Variants in PPFIA2 observed in about 807,000 individuals in gnomAD.
PPFIA2 encodes the protein liprin-alpha-2.
PPFIA2 carries 46 observed loss-of-function variants against 175.5 expected under a neutral mutation model. The ratio of observed to expected loss-of-function variants is 0.26; its 90% CI spans 0.21 to 0.34. The LOEUF (loss-of-function observed/expected upper bound fraction) is 0.34. Among genes scored for constraint, PPFIA2 ranks in the 10% least tolerant of loss-of-function variants. The pLI is 1.00. For missense variants in PPFIA2, 1,179 were observed against 1,506.1 expected, an observed-to-expected ratio of 0.78 and a Z score of 3.60; for synonymous variants, 568 against 511.4, an observed-to-expected ratio of 1.11 and a Z score of -1.49.
intron 11 of PPFIA2, among the ~76,000 whole-genome samples, chr12:81,374,245 T>C: frequency 6.6e-6 from 1 of 152,110 alleles, no homozygotes; most frequent in East Asian, 1.9e-4. Flanking sequence ...TGGAGAGGAA[T>C]CAAGAAGTTA....
At chr12:81,552,617 T>A (rs1354563897) in intron 4 of PPFIA2, among the ~76,000 whole-genome samples, 1 of 152,006 alleles carries the variant, frequency 6.6e-6, no homozygotes, top group African/African-American at 2.4e-5. Context: ...ATGAATCTTT[T>A]GTTATTTAAT....
rs2063079504 is a variant in PPFIA2, at chr12:81,521,203, A to G, written c.304-63337T>C. Among the ~76,000 whole-genome samples the G allele has an allele frequency of 2.0e-5, 3 of 151,774 alleles. 1 individual carries two copies. The South Asian group carries it at 6.2e-4, about 32-fold the overall frequency. On this transcript the variant is annotated intron_variant, in intron 4 of 32. Coordinates refer to ENST00000549396, the MANE Select transcript of PPFIA2 (RefSeq NM_003625.5). ...GTTTCTAGAAATTTCAGGAATCACG[A>G]GAAAAAAAAAAAAAGTGCGGTGTAA...
intron 6 of PPFIA2, among the ~76,000 whole-genome samples, chr12:81,440,556 T>G (rs964712547): frequency 1.3e-5 from 2 of 152,214 alleles, no homozygotes; most frequent in South Asian, 4.1e-4. Context: ...TTCTCTGTTT[T>G]TTATTAATTA....
intron 25 of PPFIA2, among the ~76,000 whole-genome samples, chr12:81,283,322 A>C (rs1010093259): frequency 6.6e-6 from 1 of 152,006 alleles, no homozygotes; most frequent in Non-Finnish European, 1.5e-5. Flanking sequence ...TAATTCTTAA[A>C]TGAGTGTAAT....
chr12:81,700,417 G>T (rs1385203249), intron 3 of PPFIA2, among the ~76,000 whole-genome samples: 1 of 151,956 alleles, frequency 6.6e-6, no homozygotes, highest in East Asian at 1.9e-4. Context: ...GCTTTATAAA[G>T]ATTTTTGTCT....
chr12:81,352,377 C>CAGAGAGAGAG, intron 17 of PPFIA2, among the ~76,000 whole-genome samples: 1 of 145,268 alleles, frequency 6.9e-6, no homozygotes, highest in South Asian at 2.2e-4. Flanking sequence ...GGGGGGCAGA[C>CAGAGAGAGAG]AGAGAGAGAG....
chr12:81,321,766 C>A (rs1409182084), intron 22 of PPFIA2, among the ~76,000 whole-genome samples: 1 of 152,052 alleles, frequency 6.6e-6, no homozygotes, highest in Non-Finnish European at 1.5e-5. Flanking sequence ...TTTATTGTGC[C>A]CTAAAATACT....
intron 2 of PPFIA2, among the ~76,000 whole-genome samples, chr12:81,755,541 TATTTA>T (rs1390783420): frequency 6.6e-6 from 1 of 152,212 alleles, no homozygotes; most frequent in African/African-American, 2.4e-5. Flanking sequence ...AACAGCTCAA[TATTTA>T]ATTACTTTTT....
intron 21 of PPFIA2, among the ~76,000 whole-genome samples, chr12:81,328,338 T>G (rs1242276580): frequency 6.6e-6 from 1 of 152,228 alleles, no homozygotes. Context: ...ACTCCCTACA[T>G]GTGACTATTA....
At chr12:81,352,969 C>A (rs772084995) in intron 17 of PPFIA2, 150 bp downstream of exon 17, 2 of 642,064 alleles carry the variant, frequency 3.1e-6, no homozygotes, top group African/African-American at 1.8e-5. Flanking sequence ...AATACACATT[C>A]TGATTCAGTG....
At chr12:81,349,245 C>T (rs2059604854) in intron 17 of PPFIA2, among the ~76,000 whole-genome samples, 2 of 152,100 alleles carry the variant, frequency 1.3e-5, no homozygotes, top group Non-Finnish European at 2.9e-5. Flanking sequence ...AGTCTACTTA[C>T]ATGTCATTGG....
chr12:81,549,290 T>C (rs1451148547), intron 4 of PPFIA2, among the ~76,000 whole-genome samples: 1 of 152,114 alleles, frequency 6.6e-6, no homozygotes, highest in African/African-American at 2.4e-5. Context: ...CAGTCACTAT[T>C]ATTCATAATT....
chr12:81,522,340 A>G (rs561138234), intron 4 of PPFIA2, among the ~76,000 whole-genome samples: 2 of 152,316 alleles, frequency 1.3e-5, no homozygotes, highest in Admixed American at 1.3e-4. Flanking sequence ...ACTACAATAT[A>G]AGGAAAGTTG....
chr12:81,753,570 G>A (rs536081778), intron 3 of PPFIA2, among the ~76,000 whole-genome samples: 14 of 148,654 alleles, frequency 9.4e-5, no homozygotes, highest in Admixed American at 7.4e-4. Context: ...TCCAAAGTAC[G>A]GTCATTTTCA....
chr12:81,357,990 C>A (rs1283102593), intron 16 of PPFIA2, 92 bp downstream of exon 16: 5 of 1,228,358 alleles, frequency 4.1e-6, no homozygotes, highest in Admixed American at 6.1e-5. Context: ...AAAATGCTAG[C>A]ATTTTCTAAT....
At chr12:81,333,846 A>G (rs1233430302) in intron 21 of PPFIA2, among the ~76,000 whole-genome samples, 1 of 152,180 alleles carries the variant, frequency 6.6e-6, no homozygotes, top group Non-Finnish European at 1.5e-5. Context: ...GTGCTGATCA[A>G]GAACAGAGTG....
chr12:81,324,495 G>C, intron 22 of PPFIA2, among the ~76,000 whole-genome samples: 1 of 151,764 alleles, frequency 6.6e-6, no homozygotes, highest in Middle Eastern at 3.2e-3. Context: ...AGTCAGGCTG[G>C]GTTTTGATCA....
At chr12:81,425,381 G>A (rs1255133370) in intron 7 of PPFIA2, among the ~76,000 whole-genome samples, 16 of 152,090 alleles carry the variant, frequency 1.1e-4, no homozygotes, top group Admixed American at 1.0e-3. Flanking sequence ...GCCTCACTCT[G>A]TCACCCAGGA....
chr12:81,313,916 A>T (rs1368346255), intron 22 of PPFIA2, among the ~76,000 whole-genome samples: 1 of 151,996 alleles, frequency 6.6e-6, no homozygotes, highest in Non-Finnish European at 1.5e-5. Context: ...TAAATACCTT[A>T]AAATATAAAA....
Sources: gnomAD v4.1 joint callset for allele counts (sites outside exome capture counted in the v4.1 genomes callset) on GRCh38, gnomAD v4.1.1 for gene constraint, MANE v1.5 for transcripts, NCBI Gene and HGNC (gene_info 2026-07-23, HGNC 2026-07-21) for gene names.